IGF2BP2: variants seen among roughly 807,000 people sequenced by gnomAD.
The protein encoded by IGF2BP2 is insulin-like growth factor 2 mRNA-binding protein 2.
In IGF2BP2, 17 loss-of-function variants were observed where a neutral mutation model predicts 75.8. The observed-to-expected ratio is 0.22, with a 90% CI of 0.15 to 0.34. The LOEUF (loss-of-function observed/expected upper bound fraction) is 0.34. IGF2BP2 is among the 10% of genes least tolerant of loss of function. The probability of loss-of-function intolerance (pLI) is 1.00; values close to 1 mark genes in which losing one functional copy is unlikely to be tolerated. For missense variants in IGF2BP2, 516 were observed against 772.4 expected (o/e 0.67, Z 3.93); for synonymous variants, 288 against 295.6 (o/e 0.97, Z 0.26).
intron 2 of IGF2BP2, among the ~76,000 whole-genome samples, chr3:185,814,900 T>C (rs1740401690): frequency 6.6e-6 from 1 of 152,196 alleles, no homozygotes; most frequent in Non-Finnish European, 1.5e-5. Context: ...TGAACCATTT[T>C]CTAAAAAGCA....
At chr3:185,743,822 C>T (rs1016268126) in intron 2 of IGF2BP2, among the ~76,000 whole-genome samples, 2 of 152,076 alleles carry the variant, frequency 1.3e-5, no homozygotes, top group Non-Finnish European at 2.9e-5. Flanking sequence ...GTGAAATCAA[C>T]GAATTAACAC....
chr3:185,669,822 C>A (rs1718244211), intron 10 of IGF2BP2, among the ~76,000 whole-genome samples: 1 of 152,172 alleles, frequency 6.6e-6, no homozygotes, highest in South Asian at 2.1e-4. Flanking sequence ...TCTCCACCAC[C>A]CTATGCTGCT....
chr3:185,726,051 C>T (rs1450560570), intron 2 of IGF2BP2, among the ~76,000 whole-genome samples: 1 of 152,202 alleles, frequency 6.6e-6, no homozygotes, highest in Non-Finnish European at 1.5e-5. Flanking sequence ...GAGATCACCT[C>T]TCAGATCATG....
At chr3:185,817,506 A>T (rs1350983815) in intron 2 of IGF2BP2, among the ~76,000 whole-genome samples, 1 of 152,216 alleles carries the variant, frequency 6.6e-6, no homozygotes, top group Non-Finnish European at 1.5e-5. Flanking sequence ...TATTTTATGG[A>T]GAGACCAGAC....
intron 2 of IGF2BP2, among the ~76,000 whole-genome samples, chr3:185,731,289 C>T (rs1166735203): frequency 6.6e-6 from 1 of 150,404 alleles, no homozygotes; most frequent in African/African-American, 2.5e-5. Flanking sequence ...CTGTATTACC[C>T]AGGCTGGAGC....
Position 185,658,326 on chromosome 3 carries a change from T to C in IGF2BP2, c.1269+15A>G. 1 of 1,612,670 alleles carries C rather than the reference T, an allele frequency of 6.2e-7. No homozygotes were observed. Among genetic ancestry groups the C allele is most frequent in the South Asian group, 1.1e-5 (1 of 91,016 alleles). On this transcript the variant is annotated intron_variant, in intron 11 of 15. Coordinates refer to ENST00000382199, the MANE Select transcript of IGF2BP2 (RefSeq NM_006548.6). ...GGAGAAGTGGCAGGTGCGGCTGAAC[T>C]GAGGGGGCACTTACAGAGTGATGAT...
intron 2 of IGF2BP2, among the ~76,000 whole-genome samples, chr3:185,812,432 T>C (rs1371687702): frequency 6.6e-6 from 1 of 152,216 alleles, no homozygotes; most frequent in Non-Finnish European, 1.5e-5. Flanking sequence ...TCCATAGATT[T>C]AGTAGTCTGG....
chr3:185,798,587 T>C (rs192166341), intron 2 of IGF2BP2, among the ~76,000 whole-genome samples: 1 of 152,230 alleles, frequency 6.6e-6, no homozygotes, highest in East Asian at 1.9e-4. Context: ...ATTGGTCCCA[T>C]TCATGATTTA....
At chr3:185,724,674 T>C (rs917992942) in intron 2 of IGF2BP2, 2 of 152,268 alleles carry the variant, frequency 1.3e-5, no homozygotes, top group Admixed American at 6.5e-5. Flanking sequence ...GACAGTGTTC[T>C]AGTGTTCTAA....
At chr3:185,747,297 T>A (rs1045267614) in intron 2 of IGF2BP2, among the ~76,000 whole-genome samples, 8 of 152,228 alleles carry the variant, frequency 5.3e-5, no homozygotes, top group African/African-American at 1.9e-4. Context: ...TCACTTTTTC[T>A]CACTATCCTT....
At chr3:185,704,873 G>C (rs967436419) in intron 2 of IGF2BP2, among the ~76,000 whole-genome samples, 3 of 152,106 alleles carry the variant, frequency 2.0e-5, no homozygotes, top group African/African-American at 7.2e-5. Flanking sequence ...AAATGACTAA[G>C]AACAATTGCC....
At chr3:185,762,532 CA>C (rs550663727) in intron 2 of IGF2BP2, among the ~76,000 whole-genome samples, 24,649 of 90,872 alleles carry the variant, frequency 0.27, 2,047 homozygotes, top group Middle Eastern at 0.39. Context: ...AGCTCGGTCT[CA>C]AAAAAAAAAA....
intron 7 of IGF2BP2, among the ~76,000 whole-genome samples, chr3:185,685,273 G>A (rs565942798): frequency 1.0e-3 from 157 of 152,008 alleles, no homozygotes; most frequent in Non-Finnish European, 2.0e-3. Flanking sequence ...GCTTGAACCC[G>A]GGAGACGGGA....
chr3:185,663,387 C>A (rs1286090266), intron 10 of IGF2BP2, among the ~76,000 whole-genome samples: 1 of 152,248 alleles, frequency 6.6e-6, no homozygotes, highest in East Asian at 1.9e-4. Context: ...TAATTGTTAT[C>A]CACAGGCTTG....
At chr3:185,757,150 A>G (rs1363937052) in intron 2 of IGF2BP2, among the ~76,000 whole-genome samples, 1 of 152,172 alleles carries the variant, frequency 6.6e-6, no homozygotes, top group Non-Finnish European at 1.5e-5. Flanking sequence ...CTTTTCCTGC[A>G]CTTTGAATCA....
At chr3:185,728,074 C>T (rs930819653) in intron 2 of IGF2BP2, among the ~76,000 whole-genome samples, 5 of 152,204 alleles carry the variant, frequency 3.3e-5, no homozygotes, top group Non-Finnish European at 5.9e-5. Flanking sequence ...GGGGCACTTC[C>T]GTTACGTATA....
At chr3:185,814,951 A>G (rs1408374838) in intron 2 of IGF2BP2, among the ~76,000 whole-genome samples, 13 of 152,210 alleles carry the variant, frequency 8.5e-5, no homozygotes, top group Non-Finnish European at 1.5e-4. Context: ...TAAGACACAG[A>G]TATTTTTAAA....
At chr3:185,771,267 CCT>C (rs1305774118) in intron 2 of IGF2BP2, among the ~76,000 whole-genome samples, 2 of 151,930 alleles carry the variant, frequency 1.3e-5, no homozygotes, top group African/African-American at 4.8e-5. Context: ...TGGTGAAACC[CCT>C]GTCTCTACTA....
chr3:185,765,908 C>T (rs544704091), intron 2 of IGF2BP2, among the ~76,000 whole-genome samples: 1 of 152,326 alleles, frequency 6.6e-6, no homozygotes, highest in East Asian at 1.9e-4. Flanking sequence ...AAATACGGAA[C>T]ATGCCAAAGA....
Sources: gnomAD v4.1 joint callset for allele counts (sites outside exome capture counted in the v4.1 genomes callset) on GRCh38, gnomAD v4.1.1 for gene constraint, MANE v1.5 for transcripts, NCBI Gene and HGNC (gene_info 2026-07-23, HGNC 2026-07-21) for gene names.